RBFOX1: variants seen among roughly 807,000 people sequenced by gnomAD.
RBFOX1 encodes the protein RNA binding fox-1 homolog 1, also known as RNA binding protein fox-1 homolog 1.
Under a neutral mutation model 57.7 loss-of-function variants are expected in RBFOX1, and 8 were observed. The observed-to-expected ratio is 0.14, with a 90% CI of 0.08 to 0.25. The LOEUF (loss-of-function observed/expected upper bound fraction) is 0.25. Ranked by LOEUF, RBFOX1 falls within the 10% of genes least tolerant of loss-of-function variation. The pLI is 1.00. For synonymous variants in RBFOX1, 326 were observed against 222.4 expected, an observed-to-expected ratio of 1.47 and a Z score of -4.15; for missense variants, 611 against 548.5, an observed-to-expected ratio of 1.11 and a Z score of -1.14.
chr16:5,683,574 G>C (rs1422820809), intron 3 of RBFOX1, among the ~76,000 whole-genome samples: 3 of 151,892 alleles, frequency 2.0e-5, no homozygotes, highest in Admixed American at 6.6e-5. Context: ...TAGCTTCCAA[G>C]CCCACATCTT....
At chr16:6,874,907 AAAT>A (rs1434680585) in intron 3 of RBFOX1, among the ~76,000 whole-genome samples, 1 of 152,182 alleles carries the variant, frequency 6.6e-6, no homozygotes, top group Non-Finnish European at 1.5e-5. Flanking sequence ...AAAACTATTG[AAAT>A]AATAATAAAA....
At chr16:6,825,893 G>C (rs1262198125) in intron 3 of RBFOX1, among the ~76,000 whole-genome samples, 1 of 152,206 alleles carries the variant, frequency 6.6e-6, no homozygotes, top group Non-Finnish European at 1.5e-5. Flanking sequence ...GTGGCAGCAA[G>C]ACTTTAGGAA....
At chr16:7,109,474 A>C (rs1465099697) in intron 4 of RBFOX1, among the ~76,000 whole-genome samples, 1 of 152,104 alleles carries the variant, frequency 6.6e-6, no homozygotes, top group Admixed American at 6.6e-5. Context: ...GTATGGAAGG[A>C]AGGTGGTGCA....
rs2089497544 is a variant in RBFOX1 at position 6,365,799 on chromosome 16, A to G, written c.-64+48742A>G. Among the ~76,000 whole-genome samples the G allele has an allele frequency of 2.0e-5, 3 of 152,340 alleles. No individual in the cohort carries two copies. The South Asian group carries it at 6.2e-4, about 32-fold the overall frequency. On this transcript the variant is annotated intron_variant, in intron 2 of 15. Transcript: ENST00000550418. ...CTCAGTATCCATGTCTGTAAAATGG[A>G]AAAATGTTTTCTAACTTGCTGGATT...
chr16:5,672,861 GT>G (rs869056893), intron 3 of RBFOX1, among the ~76,000 whole-genome samples: 2 of 3,676 alleles, frequency 5.4e-4, no homozygotes, highest in Non-Finnish European at 1.0e-3. Context: ...GTAGGTGTGT[GT>G]GTGTGTGTGT....
At chr16:7,060,370 A>T (rs925086149) in intron 4 of RBFOX1, among the ~76,000 whole-genome samples, 2 of 152,210 alleles carry the variant, frequency 1.3e-5, no homozygotes, top group Non-Finnish European at 1.5e-5. Flanking sequence ...TCAACAGAGA[A>T]ATCATTCAAA....
At chr16:5,557,694 A>G (rs912232597) in intron 2 of RBFOX1, among the ~76,000 whole-genome samples, 1 of 152,214 alleles carries the variant, frequency 6.6e-6, no homozygotes, top group African/African-American at 2.4e-5. Context: ...TGTGGTGCAG[A>G]CAGGGAACAG....
chr16:7,016,439 G>T (rs917106662), intron 3 of RBFOX1, among the ~76,000 whole-genome samples: 3 of 152,270 alleles, frequency 2.0e-5, no homozygotes, highest in Middle Eastern at 3.4e-3. Flanking sequence ...TTAAATCTGG[G>T]CTCATGTTTC....
At chr16:6,550,272 G>A (rs2096966193) in intron 2 of RBFOX1, among the ~76,000 whole-genome samples, 1 of 152,206 alleles carries the variant, frequency 6.6e-6, no homozygotes, top group African/African-American at 2.4e-5. Flanking sequence ...CCGCCTCCCA[G>A]GTTCAACAAT....
chr16:7,143,637 A>C (rs552046635), intron 4 of RBFOX1, among the ~76,000 whole-genome samples: 81 of 152,260 alleles, frequency 5.3e-4, no homozygotes, highest in African/African-American at 1.8e-3. Context: ...AAGGGGAGTG[A>C]GTGAGTCTCT....
chr16:6,835,752 TAAAAAAAAAA>T (rs56299805), intron 3 of RBFOX1, among the ~76,000 whole-genome samples: 4 of 76,964 alleles, frequency 5.2e-5, no homozygotes, highest in African/African-American at 1.5e-4. Context: ...AGACTCTGCT[TAAAAAAAAAA>T]AAAAAAAAAA....
chr16:6,672,891 C>T (rs2098775964), intron 3 of RBFOX1, among the ~76,000 whole-genome samples: 1 of 152,112 alleles, frequency 6.6e-6, no homozygotes, highest in African/African-American at 2.4e-5. Flanking sequence ...CCAAGAGACC[C>T]ATTGACTAAA....
intron 1 of RBFOX1, among the ~76,000 whole-genome samples, chr16:6,308,089 T>G (rs992619488): frequency 2.8e-4 from 43 of 151,382 alleles, no homozygotes; most frequent in African/African-American, 9.7e-4. Flanking sequence ...TATTCATTTA[T>G]TTATTTAGGT....
At chr16:6,384,270 T>C (rs754949724) in intron 2 of RBFOX1, among the ~76,000 whole-genome samples, 1 of 152,188 alleles carries the variant, frequency 6.6e-6, no homozygotes, top group African/African-American at 2.4e-5. Context: ...CAGCAATGAA[T>C]CCTGTTTGAA....
intron 4 of RBFOX1, among the ~76,000 whole-genome samples, chr16:7,395,747 T>G (rs1006705075): frequency 1.3e-5 from 2 of 152,184 alleles, no homozygotes; most frequent in Non-Finnish European, 2.9e-5. Context: ...TTCTGAAATA[T>G]CAATAGCAAT....
intron 3 of RBFOX1, among the ~76,000 whole-genome samples, chr16:7,037,775 G>T (rs575472548): frequency 6.6e-6 from 1 of 152,132 alleles, no homozygotes; most frequent in African/African-American, 2.4e-5. Flanking sequence ...TTTGAACCTT[G>T]GAAGTCTGGC....
intron 1 of RBFOX1, among the ~76,000 whole-genome samples, chr16:5,416,716 C>T (rs111654720): frequency 0.01 from 1,568 of 150,626 alleles, 38 homozygotes; most frequent in African/African-American, 0.037. Context: ...TCAAGATTTT[C>T]TCTGTATCTC....
At chr16:6,497,103 G>A (rs941970330) in intron 2 of RBFOX1, among the ~76,000 whole-genome samples, 1 of 152,182 alleles carries the variant, frequency 6.6e-6, no homozygotes, top group Non-Finnish European at 1.5e-5. Context: ...TACAGATGAG[G>A]GAGCAATTTT....
chr16:6,935,039 C>T (rs1222972764), intron 3 of RBFOX1, among the ~76,000 whole-genome samples: 1 of 151,752 alleles, frequency 6.6e-6, no homozygotes, highest in East Asian at 1.9e-4. Flanking sequence ...TGCAGTGAGA[C>T]AAGATCGTTC....
Sources: gnomAD v4.1 joint callset for allele counts (sites outside exome capture counted in the v4.1 genomes callset) on GRCh38, gnomAD v4.1.1 for gene constraint, MANE v1.5 for transcripts, NCBI Gene and HGNC (gene_info 2026-07-23, HGNC 2026-07-21) for gene names.